Variants in TDRD12 observed in about 807,000 individuals in gnomAD.
TDRD12 encodes tudor domain containing 12.
In TDRD12, 158 loss-of-function variants were observed where a neutral mutation model predicts 133.5. The observed-to-expected ratio is 1.18, with a 90% confidence interval of 1.04 to 1.35. The LOEUF is 1.35. Ranked by LOEUF, TDRD12 falls within the 40% of genes most tolerant of loss-of-function variation. The pLI, the probability that TDRD12 is intolerant of heterozygous loss-of-function variation, is 0.00. For missense variants in TDRD12, 1,443 were observed against 1,321.3 expected, an observed-to-expected ratio of 1.09 and a Z score of -1.43; for synonymous variants, 460 against 477.9, an observed-to-expected ratio of 0.96 and a Z score of 0.49.
chr19:32,743,596 C>T (rs1197379462), intron 4 of TDRD12, among the ~76,000 whole-genome samples: 2 of 151,802 alleles, frequency 1.3e-5, no homozygotes, highest in Non-Finnish European at 2.9e-5. Context: ...AGGCCCACAT[C>T]TTTCCTCCTG....
At chr19:32,772,825 G>A (rs1970477117) in exon 9 of TDRD12, 5 of 1,503,826 alleles carry the variant, frequency 3.3e-6, no homozygotes, top group Non-Finnish European at 4.4e-6. Context: ...AAACACCATT[G>A]CATCTCTTTA....
At position 32,818,795 on chromosome 19, in the gene TDRD12, G is replaced by A. The variant is rs563450361; in HGVS notation, c.3383+638G>A. On this transcript the variant is annotated intron_variant, in intron 27 of 27. Transcript: ENST00000444215. ...GGAGAGGTGAGTAGGCGAGGGATGC[G>A]TGTCCCGGACAGGAGTGATGAGCTA... Among the ~76,000 whole-genome samples, 236 of 152,284 alleles carry A rather than the reference G, an allele frequency of 1.5e-3. 1 individual carries two copies. The highest frequency in any genetic ancestry group is 2.6e-3 in the Non-Finnish European group (178 of 68,028).
At chr19:32,789,618 A>AC (rs1391778546) in intron 11 of TDRD12, among the ~76,000 whole-genome samples, 19 of 152,304 alleles carry the variant, frequency 1.2e-4, no homozygotes, top group African/African-American at 4.6e-4. Flanking sequence ...TTCATGACTG[A>AC]CTTATATTCC....
intron 6 of TDRD12, among the ~76,000 whole-genome samples, chr19:32,750,278 C>T (rs1339178610): frequency 6.6e-6 from 1 of 151,638 alleles, no homozygotes; most frequent in Non-Finnish European, 1.5e-5. Flanking sequence ...TGTGAGTGGC[C>T]CCTACCTCTG....
At chr19:32,795,136 A>T (rs1169691923) in intron 14 of TDRD12, among the ~76,000 whole-genome samples, 3 of 152,014 alleles carry the variant, frequency 2.0e-5, no homozygotes, top group Non-Finnish European at 4.4e-5. Context: ...GGAGTTCGAG[A>T]CCAGCCTGGC....
At chr19:32,738,751 T>G in intron 2 of TDRD12, 105 bp from the exon 3 acceptor site, 1 of 1,213,160 alleles carries the variant, frequency 8.2e-7, no homozygotes, top group East Asian at 2.7e-5. Context: ...AGGTGGAGAT[T>G]GCAGTGAGCT....
chr19:32,790,887 A>C lies in TDRD12; in HGVS notation c.1183-77A>C. 4 of 1,485,018 alleles carry C rather than the reference A, an allele frequency of 2.7e-6. No individual in the cohort carries two copies. In the South Asian group the frequency reaches 5.3e-5, roughly 20 times the overall value. The allele number at this position is 1,485,018 out of a possible 1,614,324, so 92.0% of individuals were successfully genotyped here. On this transcript the variant is annotated intron_variant, in intron 12 of 27. Transcript: ENST00000444215. The stretch of plus-strand genomic sequence containing the variant: ...TTACATTGAAATCTATATTTTCTTC[A>C]TTTCTGTGAAGTTCTTGATCTCCTG...
At chr19:32,742,870 T>G (rs1205471639) in exon 4 of TDRD12, 1 of 1,551,438 alleles carries the variant, frequency 6.4e-7, no homozygotes, top group Non-Finnish European at 8.7e-7. Context: ...ACATTACACA[T>G]TGACTTCTGC....
At position 32,814,389 on chromosome 19, in the gene TDRD12, A is replaced by G. The variant is rs77913386; in HGVS notation, c.3141+613A>G. Among the ~76,000 whole-genome samples, 880 of 150,002 alleles carry G rather than the reference A, an allele frequency of 5.9e-3. 9 individuals carry two copies. Among genetic ancestry groups the G allele is most frequent in the African/African-American group, 0.021 (829 of 39,366 alleles). On this transcript the variant is annotated intron_variant, in intron 25 of 27. Coordinates refer to ENST00000444215, the Ensembl canonical transcript of TDRD12. The stretch of plus-strand genomic sequence containing the variant: ...TTAAATCTTACTATGAATACTTACC[A>G]GATTTAACAGAGTCAATTTATAAAA...
intron 1 of TDRD12, 129 bp downstream of exon 1, chr19:32,720,225 C>T (rs1371318759): frequency 7.0e-6 from 7 of 1,003,446 alleles, no homozygotes; most frequent in Non-Finnish European, 1.0e-5. Context: ...CCCGCACAGC[C>T]TCCCACCCCC....
At chr19:32,772,096 CAG>C (rs1338382131) in intron 8 of TDRD12, among the ~76,000 whole-genome samples, 1 of 152,102 alleles carries the variant, frequency 6.6e-6, no homozygotes, top group Non-Finnish European at 1.5e-5. Context: ...GGGCCTCAGA[CAG>C]GGAGACGTGA....
At chr19:32,779,033 G>C (rs1341538791) in intron 11 of TDRD12, among the ~76,000 whole-genome samples, 1 of 152,186 alleles carries the variant, frequency 6.6e-6, no homozygotes, top group Non-Finnish European at 1.5e-5. Context: ...CCTCCCCCTT[G>C]ACTGCGCAGA....
chr19:32,793,005 G>T (rs2145670113), intron 13 of TDRD12, among the ~76,000 whole-genome samples: 1 of 152,244 alleles, frequency 6.6e-6, no homozygotes, highest in African/African-American at 2.4e-5. Flanking sequence ...GGGCAACATG[G>T]TGAAATCCTG....
rs1013475688 is a variant in TDRD12, at chr19:32,817,974, A to C, written c.3315-115A>C. On this transcript the variant is annotated intron_variant, in intron 26 of 27. Transcript: ENST00000444215. ...TTAGAAGCAGGCCTCTGTCTCAAAA[A>C]AAAAAAAAAAGTGTTTTTACCCATG... is the stretch of plus-strand genomic sequence containing the variant. The C allele has an allele frequency of 7.4e-6, 5 of 680,222 alleles. No homozygotes were observed. The African/African-American group carries it at 9.1e-5, about 12-fold the overall frequency. The allele number at this position is 680,222 out of a possible 1,614,324, so 42.1% of individuals were successfully genotyped here.
intron 14 of TDRD12, among the ~76,000 whole-genome samples, chr19:32,797,395 T>C (rs1234392055): frequency 6.6e-6 from 1 of 152,138 alleles, no homozygotes; most frequent in East Asian, 1.9e-4. Flanking sequence ...GTTGCTACCA[T>C]GTATTAGCTG....
rs1970019564 is a variant in TDRD12, at chr19:32,757,145, T to A, written c.865+15T>A. 6.5e-7 allele frequency: 1 copy of A among 1,543,276 alleles called. No homozygotes were observed. Among genetic ancestry groups the A allele is most frequent in the African/African-American group, 1.4e-5 (1 of 72,958 alleles). ...CACAGCACAGGGTGAGTTCTGCTAA[T>A]GTGGTTTATTTCATAGGCAGCATGA... On this transcript the variant is annotated intron_variant, in intron 8 of 27. Transcript: ENST00000444215.
intron 8 of TDRD12, among the ~76,000 whole-genome samples, chr19:32,764,133 T>C (rs1323442133): frequency 5.3e-5 from 6 of 112,542 alleles, no homozygotes; most frequent in Non-Finnish European, 1.1e-4. Context: ...TTTTTTGAGA[T>C]GGAGTCTCAC....
intron 11 of TDRD12, among the ~76,000 whole-genome samples, chr19:32,781,184 C>A (rs2145631145): frequency 6.6e-6 from 1 of 152,210 alleles, no homozygotes; most frequent in East Asian, 1.9e-4. Context: ...ACCTCAAGAT[C>A]TGCCTGCCTC....
intron 8 of TDRD12, among the ~76,000 whole-genome samples, chr19:32,759,053 C>A (rs1340437130): frequency 6.6e-6 from 1 of 152,000 alleles, no homozygotes. Flanking sequence ...ACCAGCCTGG[C>A]CAACATGGTG....
Sources: gnomAD v4.1 joint callset for allele counts (sites outside exome capture counted in the v4.1 genomes callset) on GRCh38, gnomAD v4.1.1 for gene constraint, MANE v1.5 for transcripts, NCBI Gene and HGNC (gene_info 2026-07-23, HGNC 2026-07-21) for gene names.